Variants in PPP3CB observed in about 807,000 individuals in gnomAD.
The protein encoded by PPP3CB is serine/threonine-protein phosphatase 2B catalytic subunit beta isoform.
A neutral mutation model predicts 66.4 loss-of-function variants in PPP3CB; 8 were observed. That is an observed-to-expected ratio of 0.12 (90% confidence interval 0.07 to 0.22). The LOEUF is 0.22. PPP3CB is among the 10% of genes least tolerant of loss of function. PPP3CB has a pLI of 1.00. For synonymous variants in PPP3CB, 208 were observed against 221.2 expected (o/e 0.94, Z 0.53); for missense variants, 319 against 642.5 (o/e 0.50, Z 5.44).
chr10:73,486,040 G>A (rs190342394), intron 1 of PPP3CB, among the ~76,000 whole-genome samples: 5 of 151,866 alleles, frequency 3.3e-5, no homozygotes, highest in Non-Finnish European at 7.4e-5. Context: ...CTGCCTCCCA[G>A]GTTCAAGCGA....
intron 1 of PPP3CB, among the ~76,000 whole-genome samples, chr10:73,480,723 G>A (rs1337102588): frequency 2.6e-5 from 4 of 152,142 alleles, no homozygotes; most frequent in Admixed American, 2.0e-4. Context: ...GGGATTACAC[G>A]CATGAGCCAC....
intron 1 of PPP3CB, among the ~76,000 whole-genome samples, chr10:73,494,581 C>A (rs1029554467): frequency 6.6e-6 from 1 of 151,800 alleles, no homozygotes. Context: ...AGATGTGAGC[C>A]ACCACGCCAG....
intron 9 of PPP3CB, among the ~76,000 whole-genome samples, chr10:73,462,474 C>T (rs184478192): frequency 7.5e-4 from 114 of 152,150 alleles, no homozygotes; most frequent in Non-Finnish European, 1.1e-3. Flanking sequence ...TGCCAATTCA[C>T]AAGTCCGTAA....
intron 6 of PPP3CB, 53 bp from the exon 7 acceptor site, chr10:73,471,017 C>T: frequency 1.9e-6 from 3 of 1,600,876 alleles, no homozygotes; most frequent in Non-Finnish European, 2.6e-6. Context: ...CTGTATGAAG[C>T]ATATGCTATG....
intron 4 of PPP3CB, among the ~76,000 whole-genome samples, chr10:73,473,242 G>GC (rs2056731326): frequency 6.6e-6 from 1 of 152,158 alleles, no homozygotes. Flanking sequence ...TCCTGTTGCT[G>GC]CAAGTCTCTA....
intron 10 of PPP3CB, among the ~76,000 whole-genome samples, chr10:73,454,205 T>C (rs558970302): frequency 2.6e-5 from 4 of 152,312 alleles, no homozygotes; most frequent in African/African-American, 9.6e-5. Flanking sequence ...CCAAAGTTCA[T>C]CTTCTTCCCC....
At chr10:73,443,337 AGAG>A (rs1157908333) in intron 12 of PPP3CB, among the ~76,000 whole-genome samples, 1 of 151,200 alleles carries the variant, frequency 6.6e-6, no homozygotes, top group Non-Finnish European at 1.5e-5. Flanking sequence ...AGAAAAAGAA[AGAG>A]AAGAGAAGAG....
At chr10:73,443,286 C>CAGAAAGACAGAAAGAA (rs2056187661) in intron 12 of PPP3CB, among the ~76,000 whole-genome samples, 1 of 115,634 alleles carries the variant, frequency 8.6e-6, no homozygotes, top group East Asian at 2.4e-4. Flanking sequence ...GAAAGAAAGA[C>CAGAAAGACAGAAAGAA]AGAAAGAAAG....
rs11447229 is a variant in PPP3CB at position 73,460,265 on chromosome 10, C to CAAAAA, written c.1109-5781_1109-5777dup. ...TGAAAGAAAGGCAAGAAAGTAATAG[C>CAAAAA]AAAAAAAAAAAAAAAAAAAAAAAGT... On this transcript the variant is annotated intron_variant, in intron 9 of 13. Transcript: ENST00000360663. Among the ~76,000 whole-genome samples, 81 of 35,804 alleles carry CAAAAA rather than the reference C, an allele frequency of 2.3e-3. 2 individuals are homozygous for CAAAAA. Among genetic ancestry groups the CAAAAA allele is most frequent in the African/African-American group, 7.1e-3 (75 of 10,530 alleles). 23.5% of individuals were successfully genotyped at this position (35,804 alleles called of 152,430 possible).
chr10:73,486,601 G>C (rs2056983009), intron 1 of PPP3CB, among the ~76,000 whole-genome samples: 1 of 152,114 alleles, frequency 6.6e-6, no homozygotes, highest in Non-Finnish European at 1.5e-5. Flanking sequence ...CACCGCGCTT[G>C]GCCTCTCTCT....
chr10:73,467,176 T>C (rs2056630504), intron 9 of PPP3CB: 1 of 153,018 alleles, frequency 6.5e-6, no homozygotes, highest in African/African-American at 2.4e-5. Flanking sequence ...GCTACTAAAT[T>C]TCCCCAAGAA....
intron 9 of PPP3CB, among the ~76,000 whole-genome samples, chr10:73,464,240 G>A (rs983784300): frequency 1.3e-5 from 2 of 151,976 alleles, no homozygotes; most frequent in African/African-American, 2.4e-5. Flanking sequence ...AAGCCACCAC[G>A]CCCAGCCATC....
chr10:73,451,982 A>C, intron 10 of PPP3CB, among the ~76,000 whole-genome samples: 1 of 151,420 alleles, frequency 6.6e-6, no homozygotes, highest in East Asian at 2.0e-4. Context: ...TCCTGACCTC[A>C]TGATCCACCC....
At chr10:73,485,364 ACT>A (rs902336199) in intron 1 of PPP3CB, among the ~76,000 whole-genome samples, 3 of 152,178 alleles carry the variant, frequency 2.0e-5, no homozygotes, top group Non-Finnish European at 2.9e-5. Context: ...AGATCTTCTT[ACT>A]GTTTCTACCA....
In PPP3CB at chr10:73,467,566, A is replaced by G. The variant is rs765763999; in HGVS notation, c.1095T>C (p.Phe365=). The change falls in exon 9 of 14, where the codon TTT becomes TTC. Residue 365 remains phenylalanine (F), a synonymous_variant. Coordinates refer to ENST00000360663, the MANE Select transcript of PPP3CB (RefSeq NM_021132.4). ...FMDVFTWSLP[F]VGEKVTEMLV... is the part of the protein sequence containing the mutation. Reference sequence around the variant, plus strand: ...TAAAAATTATACCTTTTTCTCCAACAAACGGTAAAGACCACGTGAAGACAT... The same window carrying G: ...TAAAAATTATACCTTTTTCTCCAACGAACGGTAAAGACCACGTGAAGACAT... 3.9e-6 allele frequency: 6 copies of G among 1,551,328 alleles called. No individual in the cohort carries two copies. Among genetic ancestry groups the G allele is most frequent in the Admixed American group, 4.5e-5 (2 of 44,550 alleles).
chr10:73,470,977 A>C lies in PPP3CB; in HGVS notation c.810-13T>G. 1.2e-6 allele frequency: 2 copies of C among 1,611,354 alleles called. No homozygotes were observed. The highest frequency in any genetic ancestry group is 1.7e-6 in the Non-Finnish European group (2 of 1,178,248). On this transcript the variant is annotated splice_polypyrimidine_tract_variant and intron_variant, in intron 6 of 13. Coordinates refer to ENST00000360663, the MANE Select transcript of PPP3CB (RefSeq NM_021132.4). ...CACTGCTGGATAGCTGTGGGGGAAA[A>C]AGAGTAAATTAAGTAAAATAATGGC...
chr10:73,465,305 T>C (rs1437033635), intron 9 of PPP3CB, among the ~76,000 whole-genome samples: 3 of 152,112 alleles, frequency 2.0e-5, no homozygotes, highest in Admixed American at 6.5e-5. Flanking sequence ...TGTTGTACAG[T>C]GTATTCTCAA....
chr10:73,446,040 C>T (rs1012293522), intron 11 of PPP3CB, among the ~76,000 whole-genome samples: 2 of 152,088 alleles, frequency 1.3e-5, no homozygotes. Flanking sequence ...AGCCACCACG[C>T]CTGGCCAGGC....
At chr10:73,443,286 C>CAGAA (rs71021552) in intron 12 of PPP3CB, among the ~76,000 whole-genome samples, 28,698 of 115,366 alleles carry the variant, frequency 0.25, 3,744 homozygotes, top group South Asian at 0.29. Flanking sequence ...GAAAGAAAGA[C>CAGAA]AGAAAGAAAG....
Sources: gnomAD v4.1 joint callset for allele counts (sites outside exome capture counted in the v4.1 genomes callset) on GRCh38, gnomAD v4.1.1 for gene constraint, MANE v1.5 for transcripts, NCBI Gene and HGNC (gene_info 2026-07-23, HGNC 2026-07-21) for gene names.